Variants in C1S observed in about 807,000 individuals in gnomAD.
C1S encodes complement C1s subcomponent.
A neutral mutation model predicts 54.0 loss-of-function variants in C1S; 31 were observed. The observed-to-expected ratio is 0.57, with a 90% CI of 0.43 to 0.78. The LOEUF is 0.78. Ranked by LOEUF, C1S falls within the 30% of genes least tolerant of loss-of-function variation. The pLI is 0.00. For missense variants in C1S, 727 were observed against 851.8 expected (o/e 0.85, Z 1.82); for synonymous variants, 292 against 303.6 (o/e 0.96, Z 0.40).
chr12:7,063,186 C>T, intron 4 of C1S, 119 bp downstream of exon 4: 1 of 999,754 alleles, frequency 1.0e-6, no homozygotes, highest in East Asian at 2.4e-5. Context: ...AAAGTGTTGA[C>T]TTGGCCTGGG....
chr12:7,065,283 G>A lies in C1S; in HGVS notation c.701G>A (p.Cys234Tyr). The A allele has an allele frequency of 6.2e-7, 1 of 1,613,544 alleles. No individual in the cohort carries two copies. The highest frequency in any genetic ancestry group is 8.5e-7 in the Non-Finnish European group (1 of 1,179,444). The stretch of plus-strand genomic sequence containing the variant: ...GAAGCAGCTGACTCAGCGGGAAACT[G>A]CCTTGACAGTTTAGTTGTGCGTGAT... Reference protein sequence around the residue: ...DVEAADSAGNCLDSLVFVAGD... With the variant: ...DVEAADSAGNYLDSLVFVAGD... The change falls in exon 6 of 12, where the codon TGC becomes TAC. Residue 234 changes from cysteine (C) to tyrosine (Y), a missense_variant. Coordinates refer to ENST00000360817, the MANE Select transcript of C1S (RefSeq NM_001734.5).
chr12:7,069,682 T>G (rs1937786354), intron 11 of C1S, among the ~76,000 whole-genome samples, 173 bp from the exon 12 acceptor site: 1 of 151,940 alleles, frequency 6.6e-6, no homozygotes, highest in Non-Finnish European at 1.5e-5. Flanking sequence ...AGCGGGATGT[T>G]TAGGTAAGGC....
chr12:7,062,099 G>T, intron 2 of C1S, 182 bp downstream of exon 2: 1 of 627,750 alleles, frequency 1.6e-6, no homozygotes. Context: ...AGGAGACCCT[G>T]TCTCTATTAA....
intron 1 of C1S, 30 bp from the exon 2 acceptor site, chr12:7,061,809 A>G: frequency 7.6e-7 from 1 of 1,315,912 alleles, no homozygotes; most frequent in Admixed American, 1.7e-5. Context: ...TGTTTGTCAG[A>G]CAAATACAGC....
Position 7,062,996 on chromosome 12 carries a change from A to G in C1S, c.320A>G (p.Gln107Arg). 3.1e-6 allele frequency: 5 copies of G among 1,614,150 alleles called. No individual in the cohort carries two copies. Among genetic ancestry groups the G allele is most frequent in the Non-Finnish European group, 4.2e-6 (5 of 1,179,998 alleles). ...EEFQVPYNKL[Q>R]VIFKSDFSNE... ...TTCCAAGTCCCATACAACAAACTCC[A>G]GGTGATCTTTAAGTCAGACTTTTCC... is the stretch of plus-strand genomic sequence containing the variant. The change falls in exon 4 of 12, where the codon CAG becomes CGG. Residue 107 changes from glutamine (Q) to arginine (R), a missense_variant. Around this residue, in one of 3 missense-constraint regions of C1S, gnomAD observed 357 missense variants for 365.4 expected, o/e 0.98. Transcript: ENST00000360817.
At position 7,068,374 on chromosome 12, in the gene C1S, G is replaced by T. The variant is rs1295447506; in HGVS notation, c.1196-82G>T. 1.0e-5 allele frequency: 10 copies of T among 964,010 alleles called. No individual in the cohort carries two copies. The East Asian group carries it at 2.4e-4, about 23-fold the overall frequency. 59.7% of individuals were successfully genotyped at this position (964,010 alleles called of 1,614,324 possible). ...CGAGCTGAGGTTCTGAAGGAACGGGGCAGGGTGTTGGGGTCGGAGGGGGGA... is the reference window on the plus strand; with the variant it reads ...CGAGCTGAGGTTCTGAAGGAACGGGTCAGGGTGTTGGGGTCGGAGGGGGGA... On this transcript the variant is annotated intron_variant, in intron 10 of 11. Transcript: ENST00000360817.
chr12:7,067,049 G>T lies in C1S; in HGVS notation c.998G>T (p.Gly333Val). The T allele has an allele frequency of 5.0e-6, 8 of 1,611,426 alleles. No individual in the cohort carries two copies. The highest frequency in any genetic ancestry group is 6.8e-6 in the Non-Finnish European group (8 of 1,177,524). ...DGFEVVEGRVGATSFYSTCQS... is the reference protein window; with the variant it reads ...DGFEVVEGRVVATSFYSTCQS... ...TTTATTATTCTCCAGGGACGTGTTGGTGCAACATCTTTCTATTCGACTTGT... is the reference window on the plus strand; with the variant it reads ...TTTATTATTCTCCAGGGACGTGTTGTTGCAACATCTTTCTATTCGACTTGT... The change falls in exon 9 of 12, where the codon GGT (glycine) becomes GTT (valine). Residue 333 changes from glycine to valine, a missense_variant. This residue lies in a region of C1S where 360 missense variants were observed against 453.6 expected (regional missense o/e 0.79). Coordinates refer to ENST00000360817, the MANE Select transcript of C1S (RefSeq NM_001734.5).
At chr12:7,062,340 C>A in intron 2 of C1S, 135 bp from the exon 3 acceptor site, 1 of 725,046 alleles carries the variant, frequency 1.4e-6, no homozygotes, top group Non-Finnish European at 2.5e-6. Flanking sequence ...TTCTTTATTC[C>A]GACCTAAGAT....
At chr12:7,066,066 A>G in intron 7 of C1S, 96 bp downstream of exon 7, 1 of 1,126,344 alleles carries the variant, frequency 8.9e-7, no homozygotes. Flanking sequence ...CACTGGAAGC[A>G]CCTGTGATCT....
chr12:7,065,470 C>T (rs782577802), intron 6 of C1S, 171 bp downstream of exon 6: 27 of 702,940 alleles, frequency 3.8e-5, no homozygotes, highest in African/African-American at 3.8e-4. Context: ...AGCGTCCCAC[C>T]TCAGCCTCCT....
At chr12:7,064,225 TG>T in intron 4 of C1S, 41 bp from the exon 5 acceptor site, 1 of 1,611,376 alleles carries the variant, frequency 6.2e-7, no homozygotes, top group South Asian at 1.1e-5. Flanking sequence ...TCTCCCTTCT[TG>T]GTGTTTGTTC....
chr12:7,062,096 C>T (rs1947097579), intron 2 of C1S, 179 bp downstream of exon 2: 4 of 646,204 alleles, frequency 6.2e-6, no homozygotes, highest in South Asian at 5.2e-5. Flanking sequence ...ATAAGGAGAC[C>T]CTGTCTCTAT....
chr12:7,062,765 G>A (rs1251911157), intron 3 of C1S, 83 bp downstream of exon 3: 5 of 1,479,258 alleles, frequency 3.4e-6, no homozygotes, highest in Non-Finnish European at 2.8e-6. Context: ...AGTGCCACCT[G>A]TACTCACAGT....
At position 7,070,411 on chromosome 12, in the gene C1S, C is replaced by T. The variant is rs1555163068; in HGVS notation, c.1827C>T (p.Ala609=). 5.0e-6 allele frequency: 8 copies of T among 1,614,204 alleles called. No individual in the cohort carries two copies. The South Asian group carries it at 8.8e-5, about 18-fold the overall frequency. ...KVEKPTADAE[A]YVFTPNMICA... ...AGAAACCCACAGCAGATGCAGAGGC[C>T]TATGTTTTCACTCCTAACATGATCT... Residue 609 remains alanine (A), a synonymous_variant, in exon 12 of 12, where the codon GCC becomes GCT. Transcript: ENST00000360817. This position sits in a 1 kb window ranked among gnomAD's most constrained non-coding sequence, Gnocchi z 4.9.
rs766474846 is a variant in C1S at position 7,065,271 on chromosome 12, C to T, written c.689C>T (p.Ser230Leu). ...GATTTTGATGTGGAAGCAGCTGACT[C>T]AGCGGGAAACTGCCTTGACAGTTTA... ...REDFDVEAAD[S>L]AGNCLDSLVF... Residue 230 changes from serine to leucine, a missense_variant, in exon 6 of 12, where the codon TCA becomes TTA. This residue lies in a region of C1S where 357 missense variants were observed against 365.4 expected (regional missense o/e 0.98). Transcript: ENST00000360817. 4 of 1,613,936 alleles carry T rather than the reference C, an allele frequency of 2.5e-6. No individual in the cohort carries two copies. The highest frequency in any genetic ancestry group is 1.7e-5 in the Admixed American group (1 of 60,030).
At chr12:7,065,642 T>A (rs917534686) in intron 6 of C1S, among the ~76,000 whole-genome samples, 175 bp from the exon 7 acceptor site, 6 of 152,154 alleles carry the variant, frequency 3.9e-5, no homozygotes, top group African/African-American at 1.4e-4. Flanking sequence ...AGTGCTGGGA[T>A]TATAGGTGTG....
At chr12:7,065,725 ATTTAATGCCTC>A (rs1381799022) in intron 6 of C1S, 81 bp from the exon 7 acceptor site, 12 of 1,074,238 alleles carry the variant, frequency 1.1e-5, no homozygotes, top group Admixed American at 1.7e-5. Context: ...TTTATGTGAC[ATTTAATGCCTC>A]TTTTATTTGT....
intron 11 of C1S, among the ~76,000 whole-genome samples, chr12:7,069,200 A>C (rs1555162796): frequency 6.6e-6 from 1 of 152,198 alleles, no homozygotes; most frequent in African/African-American, 2.4e-5. Context: ...ATTGTGCTCA[A>C]CTTGGAGTCC....
chr12:7,067,169 A>G (rs1180646422), intron 9 of C1S, 52 bp downstream of exon 9: 11 of 1,215,950 alleles, frequency 9.0e-6, no homozygotes, highest in Non-Finnish European at 1.2e-5. Flanking sequence ...GAGAGAATGG[A>G]AAGATCAGCA....
Sources: allele counts gnomAD v4.1 joint callset (sites outside exome capture counted in the v4.1 genomes callset), GRCh38; gene constraint gnomAD v4.1.1; regional missense constraint gnomAD v4.1.1; non-coding constraint Gnocchi (gnomAD v3.1); transcripts MANE v1.5; gene names NCBI Gene and HGNC (gene_info 2026-07-23, HGNC 2026-07-21).